RRP15: variants seen among roughly 807,000 people sequenced by gnomAD.
The protein encoded by RRP15 is ribosomal RNA processing 15 homolog.
Under a neutral mutation model 27.1 loss-of-function variants are expected in RRP15, and 18 were observed. The observed-to-expected ratio is 0.66, with a 90% CI of 0.46 to 0.98. RRP15 has a LOEUF of 0.98. RRP15 is among the 50% of genes least tolerant of loss of function. The pLI is 0.00. For missense variants in RRP15, 359 were observed against 337.8 expected (o/e 1.06, Z -0.49); for synonymous variants, 107 against 109.4 (o/e 0.98, Z 0.14).
chr1:218,303,514 G>A (rs2102498964), intron 2 of RRP15, among the ~76,000 whole-genome samples: 1 of 152,248 alleles, frequency 6.6e-6, no homozygotes, highest in Admixed American at 6.5e-5. Flanking sequence ...TTTAAGGTAA[G>A]TTTTGTCTTT....
intron 4 of RRP15, among the ~76,000 whole-genome samples, chr1:218,327,377 C>G (rs1031324099): frequency 6.6e-6 from 1 of 151,496 alleles, no homozygotes. Flanking sequence ...GGTGTGATCT[C>G]GGCTCACTGC....
At chr1:218,288,120 T>A (rs1571790060) in intron 1 of RRP15, among the ~76,000 whole-genome samples, 1 of 152,142 alleles carries the variant, frequency 6.6e-6, no homozygotes. Flanking sequence ...CAGGGAGCTA[T>A]TGAGAACTTT....
rs1656458982 is a variant in RRP15 at position 218,336,951 on chromosome 1, G to A, written c.*5860G>A. ...ACTGGACATTTTAAGAAATACCAGT[G>A]TTCGTTGTTAGATGAGAGACAGCAT... On this transcript the variant is annotated 3_prime_UTR_variant, in exon 5 of 5. Coordinates refer to ENST00000366932, the MANE Select transcript of RRP15 (RefSeq NM_016052.4). The A allele has an allele frequency of 6.6e-6, 1 of 152,182 alleles. No homozygotes were observed. Among genetic ancestry groups the A allele is most frequent in the Admixed American group, 6.5e-5 (1 of 15,278 alleles). The allele number at this position is 152,182 out of a possible 1,614,324, so 9.4% of individuals were successfully genotyped here.
intron 2 of RRP15, among the ~76,000 whole-genome samples, chr1:218,303,871 T>C (rs1655852352): frequency 6.6e-6 from 1 of 152,230 alleles, no homozygotes; most frequent in Non-Finnish European, 1.5e-5. Flanking sequence ...ATATATCAGC[T>C]ACTTATTTCT....
chr1:218,313,459 G>A (rs969222239), intron 4 of RRP15, among the ~76,000 whole-genome samples: 5 of 152,140 alleles, frequency 3.3e-5, no homozygotes, highest in African/African-American at 1.2e-4. Context: ...ACTCAGAAAT[G>A]GTGACAGCTT....
At chr1:218,306,471 G>A (rs1655900631) in intron 3 of RRP15, among the ~76,000 whole-genome samples, 1 of 152,144 alleles carries the variant, frequency 6.6e-6, no homozygotes, top group African/African-American at 2.4e-5. Context: ...ACAACCCTGA[G>A]AAATGGCCTG....
chr1:218,327,032 C>A (rs141869617), intron 4 of RRP15, among the ~76,000 whole-genome samples: 350 of 152,310 alleles, frequency 2.3e-3, no homozygotes, highest in African/African-American at 8.0e-3. Flanking sequence ...TAGTTGCAGT[C>A]TTAGGATTTA....
chr1:218,302,341 A>G lies in RRP15; in HGVS notation c.187A>G (p.Ile63Val), dbSNP rs143272199. 81 of 1,613,930 alleles carry G rather than the reference A, an allele frequency of 5.0e-5. No homozygotes were observed. Among genetic ancestry groups the G allele is most frequent in the Non-Finnish European group, 6.3e-5 (74 of 1,179,974 alleles). Residue 63 changes from isoleucine (I) to valine (V), a missense_variant, in exon 2 of 5, where the codon ATA (isoleucine) becomes GTA (valine). Coordinates refer to ENST00000366932, the MANE Select transcript of RRP15 (RefSeq NM_016052.4). ...KDHFYSDDDAIEADSEGDAEP... is the reference protein window; with the variant it reads ...KDHFYSDDDAVEADSEGDAEP... ...CCACTTTTATTCTGATGATGACGCA[A>G]TAGAAGCTGACAGTGAGGGTGATGC...
intron 4 of RRP15, among the ~76,000 whole-genome samples, chr1:218,314,059 T>A (rs1656042930): frequency 6.6e-6 from 1 of 151,928 alleles, no homozygotes; most frequent in Non-Finnish European, 1.5e-5. Flanking sequence ...CTTGCTATGC[T>A]GCCCAGCCTG....
rs564265250 is a variant in RRP15 at position 218,329,140 on chromosome 1, C to T, written c.706-1808C>T. Among the ~76,000 whole-genome samples, 6 of 145,030 alleles carry T rather than the reference C, an allele frequency of 4.1e-5. No individual in the cohort carries two copies. In the East Asian group the frequency reaches 1.2e-3, roughly 30 times the overall value. On this transcript the variant is annotated intron_variant, in intron 4 of 4. Coordinates refer to ENST00000366932, the MANE Select transcript of RRP15 (RefSeq NM_016052.4). ...GGTTGGCTGGGTGTGGTGGCTCTTG[C>T]CTATAATCCCAGCACTTTGGGAAGC...
chr1:218,317,080 TAA>T (rs1196948906), intron 4 of RRP15, among the ~76,000 whole-genome samples: 2 of 152,260 alleles, frequency 1.3e-5, no homozygotes, highest in Admixed American at 1.3e-4. Context: ...CTTATTAAGA[TAA>T]GTTTGGTTTT....
rs1558214791 is a variant in RRP15, at chr1:218,333,384, T to G, written c.*2293T>G. On this transcript the variant is annotated 3_prime_UTR_variant, in exon 5 of 5. Coordinates refer to ENST00000366932, the MANE Select transcript of RRP15 (RefSeq NM_016052.4). ...AATTGTGTATCTTAAGTGAATGTTT[T>G]GAGTAGTTCTGTCACCCCTATTCTA... The G allele has an allele frequency of 6.8e-6, 1 of 146,608 alleles. No individual in the cohort carries two copies. Among genetic ancestry groups the G allele is most frequent in the Non-Finnish European group, 1.5e-5 (1 of 65,446 alleles). The allele number at this position is 146,608 out of a possible 1,614,324, so 9.1% of individuals were successfully genotyped here. A position where few individuals can be genotyped will look rare whatever the true frequency, so the allele number is the denominator to read the frequency against.
chr1:218,330,389 G>A (rs1223231734), intron 4 of RRP15, among the ~76,000 whole-genome samples: 1 of 152,152 alleles, frequency 6.6e-6, no homozygotes, highest in African/African-American at 2.4e-5. Context: ...ATTGGGTCAG[G>A]CAGTGAGCTC....
chr1:218,330,312 C>T (rs1656345700), intron 4 of RRP15, among the ~76,000 whole-genome samples: 2 of 152,110 alleles, frequency 1.3e-5, no homozygotes, highest in African/African-American at 4.8e-5. Context: ...GAATTGACTA[C>T]CTATTATGTT....
rs772012407 is a variant in RRP15 at position 218,333,537 on chromosome 1, C to A, written c.*2446C>A. 1 of 152,252 alleles carries A rather than the reference C, an allele frequency of 6.6e-6. No homozygotes were observed. The highest frequency in any genetic ancestry group is 1.5e-5 in the Non-Finnish European group (1 of 68,090). 9.4% of individuals were successfully genotyped at this position (152,252 alleles called of 1,614,324 possible). On this transcript the variant is annotated 3_prime_UTR_variant, in exon 5 of 5. Transcript: ENST00000366932. ...TTTTTGAGACGGTCTCACACTGTCACCCAGGCTGGAGTGCAGTGGTGCAAT... is the reference window on the plus strand; with the variant it reads ...TTTTTGAGACGGTCTCACACTGTCAACCAGGCTGGAGTGCAGTGGTGCAAT...
intron 4 of RRP15, among the ~76,000 whole-genome samples, chr1:218,309,906 A>C (rs1041275316): frequency 1.3e-5 from 2 of 152,124 alleles, no homozygotes; most frequent in Non-Finnish European, 2.9e-5. Flanking sequence ...TTAAGTGGCT[A>C]CCCCTGTGTG....
intron 4 of RRP15, among the ~76,000 whole-genome samples, chr1:218,322,495 G>GA (rs1656201823): frequency 1.3e-5 from 2 of 151,646 alleles, no homozygotes; most frequent in Non-Finnish European, 2.9e-5. Flanking sequence ...AGGATTTGTG[G>GA]AAATGGTTTA....
chr1:218,315,158 G>A lies in RRP15; in HGVS notation c.705+7526G>A, dbSNP rs546452024. On this transcript the variant is annotated intron_variant, in intron 4 of 4. Coordinates refer to ENST00000366932, the MANE Select transcript of RRP15 (RefSeq NM_016052.4). ...ATGTCATACATAGAGGTAAGGTAGGGTACTCCTCTATTTCTCATTTATTTG... is the reference window on the plus strand; with the variant it reads ...ATGTCATACATAGAGGTAAGGTAGGATACTCCTCTATTTCTCATTTATTTG... Among the ~76,000 whole-genome samples the A allele has an allele frequency of 4.6e-5, 7 of 152,130 alleles. No homozygotes were observed. The South Asian group carries it at 1.2e-3, about 27-fold the overall frequency.
rs562950893 is a variant in RRP15, at chr1:218,328,231, T to C, written c.706-2717T>C. Among the ~76,000 whole-genome samples, 240 of 152,386 alleles carry C rather than the reference T, an allele frequency of 1.6e-3. 1 individual carries two copies. The highest frequency in any genetic ancestry group is 2.5e-3 in the Non-Finnish European group (168 of 68,036). ...GTAAAACGTTGTACTTAGTCTGTTGTTGCTCTTCTTGCCTAAAATACATGT... is the reference window on the plus strand; with the variant it reads ...GTAAAACGTTGTACTTAGTCTGTTGCTGCTCTTCTTGCCTAAAATACATGT... On this transcript the variant is annotated intron_variant, in intron 4 of 4. Transcript: ENST00000366932.
Sources: gnomAD v4.1 joint callset for allele counts (sites outside exome capture counted in the v4.1 genomes callset) on GRCh38, gnomAD v4.1.1 for gene constraint, MANE v1.5 for transcripts, NCBI Gene and HGNC (gene_info 2026-07-23, HGNC 2026-07-21) for gene names.